Variants in ZNG1E observed in about 807,000 individuals in gnomAD.
The protein encoded by ZNG1E is zinc-regulated GTPase metalloprotein activator 1E.
At chr9:65,660,747 A>G in the ZNG1E span, among the ~76,000 whole-genome samples, 3 of 149,834 alleles carry the variant, frequency 2.0e-5, no homozygotes, top group Admixed American at 2.0e-4. Context: ...TACAACATCA[A>G]TTTGTAGTAT....
the ZNG1E span, among the ~76,000 whole-genome samples, chr9:65,681,180 A>G: frequency 6.6e-6 from 1 of 152,070 alleles, no homozygotes. Context: ...GAATGAAAAG[A>G]AAAAGATAGA....
the ZNG1E span, among the ~76,000 whole-genome samples, chr9:65,658,678 C>T: frequency 6.7e-6 from 1 of 148,288 alleles, no homozygotes; most frequent in East Asian, 1.9e-4. Context: ...GCTGCAGTAA[C>T]AAAACACCAC....
the ZNG1E span, among the ~76,000 whole-genome samples, chr9:65,715,306 C>G: frequency 6.6e-5 from 10 of 150,648 alleles, no homozygotes; most frequent in African/African-American, 2.5e-4. Context: ...CTGGCACTCC[C>G]TAGTGAGATG....
chr9:65,655,179 G>T, the ZNG1E span, among the ~76,000 whole-genome samples: 331 of 151,236 alleles, frequency 2.2e-3, no homozygotes, highest in African/African-American at 7.7e-3. Flanking sequence ...CTGACATAGG[G>T]TAATAGTATA....
the ZNG1E span, among the ~76,000 whole-genome samples, chr9:65,668,525 G>A: frequency 1.3e-4 from 20 of 150,416 alleles, no homozygotes; most frequent in Middle Eastern, 3.6e-3. Context: ...ATATATATAT[G>A]TGTGTGTATA....
chr9:65,667,089 G>T, the ZNG1E span, among the ~76,000 whole-genome samples: 1 of 152,268 alleles, frequency 6.6e-6, no homozygotes, highest in Non-Finnish European at 1.5e-5. Context: ...CCAAAGTGCT[G>T]GGATTACACA....
chr9:65,688,226 TTATTA>T, the ZNG1E span, among the ~76,000 whole-genome samples: 5 of 125,630 alleles, frequency 4.0e-5, no homozygotes, highest in African/African-American at 1.0e-4. Flanking sequence ...TTATTAATAA[TTATTA>T]ATTAATTGGT....
chr9:65,691,683 T>A, the ZNG1E span, among the ~76,000 whole-genome samples: 2 of 152,252 alleles, frequency 1.3e-5, no homozygotes, highest in Non-Finnish European at 2.9e-5. Flanking sequence ...CCAGGCAATA[T>A]GAGGATCATA....
chr9:65,674,071 G>A, the ZNG1E span, among the ~76,000 whole-genome samples: 3 of 151,132 alleles, frequency 2.0e-5, no homozygotes, highest in Non-Finnish European at 4.4e-5. Context: ...TGTTTAGGGT[G>A]TAAGCTATCT....
chr9:65,699,088 A>T, the ZNG1E span, among the ~76,000 whole-genome samples: 8,623 of 109,972 alleles, frequency 0.078, 4 homozygotes, highest in East Asian at 0.16. Flanking sequence ...ATTTTATTTT[A>T]TTTTATTTTT....
the ZNG1E span, among the ~76,000 whole-genome samples, chr9:65,702,459 T>C: frequency 6.7e-6 from 1 of 149,464 alleles, no homozygotes; most frequent in East Asian, 1.9e-4. Context: ...GAGGTTATTC[T>C]ATAAAGGAAC....
chr9:65,658,336 A>C, the ZNG1E span, among the ~76,000 whole-genome samples: 1 of 151,882 alleles, frequency 6.6e-6, no homozygotes, highest in East Asian at 1.9e-4. Flanking sequence ...TAGAATAAAA[A>C]ATTCAGAGAA....
the ZNG1E span, among the ~76,000 whole-genome samples, chr9:65,716,530 T>TC: frequency 6.8e-6 from 1 of 146,894 alleles, no homozygotes; most frequent in African/African-American, 2.5e-5. Flanking sequence ...AGTTTTTTTT[T>TC]CCACCTTCAG....
the ZNG1E span, chr9:65,719,862 A>G: frequency 3.7e-6 from 4 of 1,086,904 alleles, no homozygotes; most frequent in African/African-American, 5.4e-5. Context: ...AGAAATTTTA[A>G]AAAAACTTAA....
At chr9:65,713,525 TC>T in the ZNG1E span, among the ~76,000 whole-genome samples, 1 of 151,458 alleles carries the variant, frequency 6.6e-6, no homozygotes, top group African/African-American at 2.4e-5. Context: ...AGCGCTTCCT[TC>T]AGGAGCTCTT....
At chr9:65,717,648 G>A in the ZNG1E span, among the ~76,000 whole-genome samples, 11 of 149,308 alleles carry the variant, frequency 7.4e-5, no homozygotes, top group Non-Finnish European at 1.2e-4. Flanking sequence ...TTTACAAGGG[G>A]AACAAATGAA....
At chr9:65,675,575 G>T in the ZNG1E span, among the ~76,000 whole-genome samples, 1 of 149,068 alleles carries the variant, frequency 6.7e-6, no homozygotes, top group Non-Finnish European at 1.5e-5. Flanking sequence ...TATGCCCTGT[G>T]GGAACTGGTT....
At chr9:65,681,322 C>T in the ZNG1E span, among the ~76,000 whole-genome samples, 1 of 152,202 alleles carries the variant, frequency 6.6e-6, no homozygotes, top group Non-Finnish European at 1.5e-5. Flanking sequence ...AAGTAAGAGG[C>T]CTAAGGAGGA....
chr9:65,710,798 A>G, the ZNG1E span, among the ~76,000 whole-genome samples: 4 of 148,882 alleles, frequency 2.7e-5, no homozygotes, highest in African/African-American at 1.0e-4. Context: ...TGATGCCTCC[A>G]GCTTTGTTCT....
Sources: allele counts gnomAD v4.1 joint callset (sites outside exome capture counted in the v4.1 genomes callset), GRCh38; gene constraint gnomAD v4.1.1; transcripts MANE v1.5; gene names NCBI Gene and HGNC (gene_info 2026-07-23, HGNC 2026-07-21).